TUNAR: variants seen among roughly 807,000 people sequenced by gnomAD.
TUNAR encodes the protein transmembrane neural differentiation associated intracellular calcium regulator.
intron 2 of TUNAR, among the ~76,000 whole-genome samples, chr14:95,910,802 G>A (rs1040213991): frequency 7.9e-5 from 12 of 152,182 alleles, no homozygotes; most frequent in Non-Finnish European, 1.6e-4. Flanking sequence ...AGCCCCTGAC[G>A]AAGACCTTGC....
At chr14:95,883,166 C>G (rs1889009148) in intron 2 of TUNAR, among the ~76,000 whole-genome samples, 1 of 152,228 alleles carries the variant, frequency 6.6e-6, no homozygotes, top group Non-Finnish European at 1.5e-5. Context: ...CACCCGACTT[C>G]TAAAAGGGAA....
chr14:95,908,257 G>GGAT (rs1223763612), intron 2 of TUNAR, among the ~76,000 whole-genome samples: 1 of 152,216 alleles, frequency 6.6e-6, no homozygotes, highest in Non-Finnish European at 1.5e-5. Context: ...ATGAGGGCAG[G>GGAT]GATGACTTCC....
chr14:95,911,265 G>A (rs1023811291), intron 2 of TUNAR, among the ~76,000 whole-genome samples: 2 of 152,152 alleles, frequency 1.3e-5, no homozygotes, highest in South Asian at 2.1e-4. Flanking sequence ...CCCCTGCCTC[G>A]TTGCCCTTCT....
At chr14:95,891,218 C>G (rs1889175364) in intron 2 of TUNAR, among the ~76,000 whole-genome samples, 1 of 152,252 alleles carries the variant, frequency 6.6e-6, no homozygotes, top group African/African-American at 2.4e-5. Context: ...CATTCGGAAG[C>G]TAGAGCCAAG....
chr14:95,917,488 T>C (rs1347115405), intron 2 of TUNAR, among the ~76,000 whole-genome samples: 1 of 152,244 alleles, frequency 6.6e-6, no homozygotes, highest in Non-Finnish European at 1.5e-5. Flanking sequence ...CTCTTTGATA[T>C]ACATTTTAGA....
At chr14:95,902,403 C>G (rs1169762641) in intron 2 of TUNAR, among the ~76,000 whole-genome samples, 1 of 152,070 alleles carries the variant, frequency 6.6e-6, no homozygotes, top group African/African-American at 2.4e-5. Context: ...TAAAACCCAC[C>G]CAGCTGTCTA....
intron 2 of TUNAR, among the ~76,000 whole-genome samples, chr14:95,908,745 C>T (rs938581267): frequency 6.6e-6 from 1 of 152,200 alleles, no homozygotes; most frequent in Non-Finnish European, 1.5e-5. Context: ...TTGGCTATCA[C>T]CCAGTTTGAG....
rs143007671 is a variant in TUNAR at position 95,888,362 on chromosome 14, C to T, written c.12+11185C>T. Among the ~76,000 whole-genome samples, 421 of 152,216 alleles carry T rather than the reference C, an allele frequency of 2.8e-3. 3 individuals are homozygous for T. Among genetic ancestry groups the T allele is most frequent in the African/African-American group, 9.0e-3 (374 of 41,528 alleles). Reference sequence around the variant, plus strand: ...TTTACAGATGAAAATACTAAGCCTTCGAGTATGTATTGGTGCATACAAAAA... The same window carrying T: ...TTTACAGATGAAAATACTAAGCCTTTGAGTATGTATTGGTGCATACAAAAA... On this transcript the variant is annotated intron_variant, in intron 2 of 2. Transcript: ENST00000678517.
At chr14:95,897,782 A>G (rs1345456415) in intron 2 of TUNAR, among the ~76,000 whole-genome samples, 3 of 152,170 alleles carry the variant, frequency 2.0e-5, no homozygotes, top group African/African-American at 7.2e-5. Context: ...AGCATGCCAT[A>G]TTGTAGTTTG....
At chr14:95,897,308 C>T (rs1387902872) in intron 2 of TUNAR, among the ~76,000 whole-genome samples, 1 of 152,212 alleles carries the variant, frequency 6.6e-6, no homozygotes, top group Non-Finnish European at 1.5e-5. Context: ...GCTCTTTCTC[C>T]TCCTCTCAGT....
intron 2 of TUNAR, 23 bp from the exon 2 acceptor site, chr14:95,922,758 G>C (rs1287201309): frequency 2.5e-6 from 1 of 398,716 alleles, no homozygotes; most frequent in Non-Finnish European, 4.4e-6. Context: ...ATCATCTTTT[G>C]TGCTGCCTCT....
At chr14:95,888,356 A>G (rs1221364824) in intron 2 of TUNAR, among the ~76,000 whole-genome samples, 2 of 152,248 alleles carry the variant, frequency 1.3e-5, no homozygotes, top group Non-Finnish European at 2.9e-5. Context: ...GAAAATACTA[A>G]GCCTTCGAGT....
chr14:95,917,568 A>G (rs1889626109), intron 2 of TUNAR, among the ~76,000 whole-genome samples: 4 of 152,176 alleles, frequency 2.6e-5, no homozygotes, highest in Admixed American at 2.0e-4. Context: ...CCTATAGAAC[A>G]CTTTAGGAAA....
chr14:95,911,635 C>T lies in TUNAR; in HGVS notation c.13-11146C>T, dbSNP rs532131858. ...CATCGTAGATAGGATCAGCGTGAAC[C>T]TTCCCCGCTCCAAAATATGGAAATG... On this transcript the variant is annotated intron_variant, in intron 2 of 2. Coordinates refer to ENST00000678517, the Ensembl canonical transcript of TUNAR. 2.0e-5 allele frequency among the ~76,000 whole-genome samples: 3 copies of T among 152,312 alleles called. No homozygotes were observed. In the East Asian group the frequency reaches 5.8e-4, roughly 29 times the overall value.
At chr14:95,916,546 T>A (rs1212876544) in intron 2 of TUNAR, among the ~76,000 whole-genome samples, 2 of 152,224 alleles carry the variant, frequency 1.3e-5, no homozygotes. Context: ...TGATGCTGGG[T>A]CCAGCATTTT....
At chr14:95,884,399 C>T (rs764135626) in intron 2 of TUNAR, among the ~76,000 whole-genome samples, 1 of 152,196 alleles carries the variant, frequency 6.6e-6, no homozygotes, top group Non-Finnish European at 1.5e-5. Context: ...TGGGGACTGG[C>T]AAGGCAGGGT....
chr14:95,922,538 A>G (rs76878701), intron 2 of TUNAR, among the ~76,000 whole-genome samples: 1,666 of 152,334 alleles, frequency 0.011, 31 homozygotes, highest in African/African-American at 0.038. Flanking sequence ...ATGCCCGGGT[A>G]GACTTCTAGG....
intron 2 of TUNAR, among the ~76,000 whole-genome samples, chr14:95,883,663 C>T (rs548727001): frequency 1.5e-3 from 231 of 152,226 alleles, no homozygotes; most frequent in South Asian, 8.9e-3. Context: ...TGGGGAGAGC[C>T]CAGGCTGGGA....
At chr14:95,891,598 G>A (rs768044224) in intron 2 of TUNAR, among the ~76,000 whole-genome samples, 2 of 152,228 alleles carry the variant, frequency 1.3e-5, no homozygotes, top group Non-Finnish European at 2.9e-5. Flanking sequence ...CAGAGTCTCT[G>A]CTGCCAAGTT....
Sources: gnomAD v4.1 joint callset for allele counts (sites outside exome capture counted in the v4.1 genomes callset) on GRCh38, gnomAD v4.1.1 for gene constraint, MANE v1.5 for transcripts, NCBI Gene and HGNC (gene_info 2026-07-23, HGNC 2026-07-21) for gene names.